Variants in NUP155 observed in about 807,000 individuals in gnomAD.
NUP155 encodes the protein nuclear pore complex protein Nup155.
NUP155 carries 71 observed loss-of-function variants against 180.4 expected under a neutral mutation model. The ratio of observed to expected loss-of-function variants is 0.39; its 90% CI spans 0.33 to 0.48. The LOEUF (loss-of-function observed/expected upper bound fraction) is 0.48. NUP155 is among the 20% of genes least tolerant of loss of function. The probability of loss-of-function intolerance (pLI) is 0.91; values close to 1 mark genes in which losing one functional copy is unlikely to be tolerated. For synonymous variants in NUP155, 582 were observed against 559.5 expected (o/e 1.04, Z -0.57); for missense variants, 1,553 against 1,648.9 (o/e 0.94, Z 1.01).
intron 7 of NUP155, among the ~76,000 whole-genome samples, chr5:37,349,637 C>A (rs918926877): frequency 6.6e-6 from 1 of 152,052 alleles, no homozygotes; most frequent in Admixed American, 6.6e-5. Flanking sequence ...AATAAGTATA[C>A]CTGGTCCTTT....
At chr5:37,370,263 T>C (rs1001617115) in intron 1 of NUP155, among the ~76,000 whole-genome samples, 2 of 152,120 alleles carry the variant, frequency 1.3e-5, no homozygotes, top group African/African-American at 2.4e-5. Context: ...TCTCAGCTAC[T>C]TGGGAGTCTG....
chr5:37,369,250 C>CA lies in NUP155; in HGVS notation c.157+1570dup, dbSNP rs756394343. Among the ~76,000 whole-genome samples, 932 of 149,024 alleles carry CA rather than the reference C, an allele frequency of 6.3e-3. 10 individuals are homozygous for CA. The highest frequency in any genetic ancestry group is 0.022 in the African/African-American group (874 of 40,562). ...CTGGTAACAGAACTAGACCTTGACT[C>CA]AAAAAAAAAGAACAAGAAAAAGAAA... On this transcript the variant is annotated intron_variant, in intron 1 of 34. Transcript: ENST00000231498.
intron 30 of NUP155, 104 bp from the exon 31 acceptor site, chr5:37,299,672 TAA>T (rs1357617623): frequency 2.6e-6 from 3 of 1,175,754 alleles, no homozygotes; most frequent in Middle Eastern, 2.1e-4. Flanking sequence ...AGATTTTACA[TAA>T]AGTTTCTGAA....
intron 25 of NUP155, among the ~76,000 whole-genome samples, chr5:37,306,445 T>C (rs1451224282): frequency 1.3e-5 from 2 of 152,060 alleles, no homozygotes; most frequent in East Asian, 3.9e-4. Flanking sequence ...ACCCTCCATA[T>C]ATATATGTTA....
chr5:37,310,474 T>C, intron 23 of NUP155, 78 bp downstream of exon 23: 1 of 1,185,706 alleles, frequency 8.4e-7, no homozygotes, highest in East Asian at 2.4e-5. Flanking sequence ...TGAGGTCCTA[T>C]ATTAAGTGAA....
chr5:37,293,205 C>A, intron 33 of NUP155: 1 of 472,314 alleles, frequency 2.1e-6, no homozygotes, highest in Non-Finnish European at 3.8e-6. Context: ...ACTTAGGAGG[C>A]ATATTTGATA....
intron 30 of NUP155, 84 bp from the exon 31 acceptor site, chr5:37,299,652 A>G (rs1354245339): frequency 7.4e-7 from 1 of 1,343,488 alleles, no homozygotes; most frequent in Admixed American, 1.7e-5. Context: ...GAAAATTAAA[A>G]AATAACCAAA....
At chr5:37,316,606 A>G (rs1743901695) in intron 21 of NUP155, among the ~76,000 whole-genome samples, 1 of 152,074 alleles carries the variant, frequency 6.6e-6, no homozygotes, top group Non-Finnish European at 1.5e-5. Context: ...CTGGGATTAC[A>G]GGTGCCCGCC....
chr5:37,336,395 T>G (rs763996093), intron 12 of NUP155, among the ~76,000 whole-genome samples: 4 of 151,874 alleles, frequency 2.6e-5, no homozygotes, highest in Non-Finnish European at 4.4e-5. Context: ...GTGGGAGGAC[T>G]GCTTGGGCCT....
chr5:37,323,887 T>TA, intron 20 of NUP155, 105 bp downstream of exon 20: 1 of 763,790 alleles, frequency 1.3e-6, no homozygotes, highest in Non-Finnish European at 2.3e-6. Context: ...TAAAAAATAC[T>TA]AAACTGCACA....
intron 6 of NUP155, 112 bp from the exon 7 acceptor site, chr5:37,350,377 A>G: frequency 1.4e-6 from 1 of 711,042 alleles, no homozygotes; most frequent in Non-Finnish European, 2.5e-6. Flanking sequence ...TACCAGTTAT[A>G]ATCACTAATA....
chr5:37,347,551 C>T (rs905923171), intron 9 of NUP155, among the ~76,000 whole-genome samples: 1 of 151,690 alleles, frequency 6.6e-6, no homozygotes, highest in Non-Finnish European at 1.5e-5. Flanking sequence ...ACAAAATTAG[C>T]TGGGTGTGAT....
chr5:37,337,500 C>A (rs1745408423), intron 12 of NUP155, among the ~76,000 whole-genome samples: 1 of 151,582 alleles, frequency 6.6e-6, no homozygotes, highest in African/African-American at 2.4e-5. Flanking sequence ...AGGTAAAGAT[C>A]ATTTCATATG....
intron 13 of NUP155, among the ~76,000 whole-genome samples, chr5:37,333,253 G>A (rs1745096558): frequency 6.6e-6 from 1 of 152,130 alleles, no homozygotes; most frequent in Admixed American, 6.5e-5. Flanking sequence ...TACTCAGGAG[G>A]CTGTGGCAGG....
At position 37,314,192 on chromosome 5, in the gene NUP155, A is replaced by T; in HGVS notation, c.2436+6T>A. Reference sequence around the variant, plus strand: ...GGTATAATCATAAAAAAATAAAAAAAATTACCTTCTGAAGTTCTGCCACAA... The same window carrying T: ...GGTATAATCATAAAAAAATAAAAAATATTACCTTCTGAAGTTCTGCCACAA... On this transcript the variant is annotated splice_donor_region_variant and intron_variant, in intron 22 of 34. Transcript: ENST00000231498. The T allele has an allele frequency of 6.3e-7, 1 of 1,599,950 alleles. No individual in the cohort carries two copies. The highest frequency in any genetic ancestry group is 8.6e-7 in the Non-Finnish European group (1 of 1,168,784).
chr5:37,327,780 G>T lies in NUP155; in HGVS notation c.1877-4C>A. ...GACATGGCAGGAGGCTGTATACCTT[G>T]TACACACATAAGAAAAACAAATCTC... On this transcript the variant is annotated splice_region_variant and splice_polypyrimidine_tract_variant and intron_variant, in intron 17 of 34. Coordinates refer to ENST00000231498, the MANE Select transcript of NUP155 (RefSeq NM_153485.3). 1 of 1,613,914 alleles carries T rather than the reference G, an allele frequency of 6.2e-7. No individual in the cohort carries two copies.
chr5:37,329,403 T>C (rs1433259119), intron 15 of NUP155, 125 bp from the exon 16 acceptor site: 3 of 740,026 alleles, frequency 4.1e-6, no homozygotes, highest in Non-Finnish European at 7.4e-6. Flanking sequence ...CTTCAATGTA[T>C]TGTGCTGACA....
At chr5:37,305,265 G>A in intron 25 of NUP155, 55 bp from the exon 26 acceptor site, 1 of 1,495,140 alleles carries the variant, frequency 6.7e-7, no homozygotes, top group Non-Finnish European at 9.3e-7. Flanking sequence ...AGCAAATGAT[G>A]GTAAGTGTGG....
At chr5:37,313,360 G>A (rs1743644205) in intron 22 of NUP155, among the ~76,000 whole-genome samples, 1 of 151,940 alleles carries the variant, frequency 6.6e-6, no homozygotes, top group African/African-American at 2.4e-5. Flanking sequence ...GAACCCGGGA[G>A]GTGGAGGTTG....
Sources: gnomAD v4.1 joint callset for allele counts (sites outside exome capture counted in the v4.1 genomes callset) on GRCh38, gnomAD v4.1.1 for gene constraint, MANE v1.5 for transcripts, NCBI Gene and HGNC (gene_info 2026-07-23, HGNC 2026-07-21) for gene names.